HTR2C: variants seen among roughly 807,000 people sequenced by gnomAD.
The protein encoded by HTR2C is 5-hydroxytryptamine (serotonin) receptor 2C, G protein-coupled.
A neutral mutation model predicts 21.0 loss-of-function variants in HTR2C; 5 were observed. The ratio of observed to expected loss-of-function variants is 0.24; its 90% CI spans 0.12 to 0.50. The LOEUF (loss-of-function observed/expected upper bound fraction) is 0.50, where lower values mean the gene tolerates loss of function less well. HTR2C is among the 20% of genes least tolerant of loss of function. The probability of loss-of-function intolerance (pLI) is 0.98; values close to 1 mark genes in which losing one functional copy is unlikely to be tolerated. For synonymous variants in HTR2C, 150 were observed against 145.3 expected, an observed-to-expected ratio of 1.03 and a Z score of -0.23; for missense variants, 271 against 371.2, an observed-to-expected ratio of 0.73 and a Z score of 2.22.
At chrX:114,877,020 G>A (rs782119555) in intron 5 of HTR2C, among the ~76,000 whole-genome samples, 1 of 111,247 alleles carries the variant, frequency 9.0e-6, no homozygotes, top group Non-Finnish European at 1.9e-5. Context: ...AGAAGGTTTG[G>A]TGCTAGTTCT....
intron 2 of HTR2C, among the ~76,000 whole-genome samples, chrX:114,704,365 T>A (rs1486108070): frequency 9.0e-6 from 1 of 111,244 alleles, no homozygotes; most frequent in Non-Finnish European, 1.9e-5. Flanking sequence ...TCCACCATGA[T>A]CAAGTGGGCT....
intron 4 of HTR2C, among the ~76,000 whole-genome samples, chrX:114,837,684 G>A (rs978352775): frequency 5.6e-5 from 4 of 71,075 alleles, no homozygotes; most frequent in East Asian, 5.8e-4. Flanking sequence ...TCTCAGATTC[G>A]CTAGTCCTAC....
intron 5 of HTR2C, among the ~76,000 whole-genome samples, chrX:114,852,605 G>A (rs1254814424): frequency 9.0e-6 from 1 of 110,871 alleles, no homozygotes; most frequent in African/African-American, 3.3e-5. Context: ...CATGTAAATG[G>A]CCTAAATACT....
intron 4 of HTR2C, among the ~76,000 whole-genome samples, chrX:114,796,566 C>A (rs1432610584): frequency 9.0e-6 from 1 of 111,605 alleles, no homozygotes; most frequent in African/African-American, 3.3e-5. Context: ...TCTAAAACAT[C>A]TATAAACTGC....
chrX:114,597,673 T>C, intron 1 of HTR2C, among the ~76,000 whole-genome samples: 1 of 111,712 alleles, frequency 9.0e-6, no homozygotes, highest in Non-Finnish European at 1.9e-5. Flanking sequence ...TGAATATGTT[T>C]AAAACAGTGG....
chrX:114,820,533 C>T lies in HTR2C; in HGVS notation c.350-27470C>T, dbSNP rs1307289471. Among the ~76,000 whole-genome samples the T allele has an allele frequency of 3.6e-5, 4 of 110,390 alleles. No homozygotes were observed. In the East Asian group the frequency reaches 1.1e-3, roughly 32 times the overall value. On this transcript the variant is annotated intron_variant, in intron 4 of 5. Transcript: ENST00000276198. ...GTGTTTAGCTATTGATATGGTTTGG[C>T]TGTGTCCCCACCCAAATCTCAACTT...
At position 114,607,955 on chromosome X, in the gene HTR2C, C is replaced by T. The variant is rs888602357; in HGVS notation, c.-146-5860C>T. Among the ~76,000 whole-genome samples, 4 of 111,204 alleles carry T rather than the reference C, an allele frequency of 3.6e-5. No homozygotes were observed. The East Asian group carries it at 1.1e-3, about 32-fold the overall frequency. On this transcript the variant is annotated intron_variant, in intron 1 of 5. Coordinates refer to ENST00000276198, the MANE Select transcript of HTR2C (RefSeq NM_000868.4). The stretch of plus-strand genomic sequence containing the variant: ...TGAGCCAAGATGATACCACTGCACT[C>T]CAACCTGGGCAACAGAAAGAAACTC...
At chrX:114,777,384 A>G (rs2070069408) in intron 4 of HTR2C, among the ~76,000 whole-genome samples, 1 of 112,064 alleles carries the variant, frequency 8.9e-6, no homozygotes, top group Non-Finnish European at 1.9e-5. Context: ...ATTATGGAAT[A>G]CAGAGATGTG....
intron 5 of HTR2C, among the ~76,000 whole-genome samples, chrX:114,886,991 G>T (rs782272963): frequency 4.5e-5 from 5 of 111,717 alleles, no homozygotes; most frequent in Admixed American, 3.8e-4. Flanking sequence ...CTCTCTAAAA[G>T]AAAAGATGTT....
intron 4 of HTR2C, among the ~76,000 whole-genome samples, chrX:114,841,665 C>T (rs1235479335): frequency 1.8e-5 from 2 of 110,372 alleles, no homozygotes; most frequent in African/African-American, 6.6e-5. Flanking sequence ...GGCTTGAACC[C>T]GGAAGGCAGA....
rs868927472 is a variant in HTR2C, at chrX:114,641,031, C to T, written c.-80+27150C>T. On this transcript the variant is annotated intron_variant, in intron 2 of 5. Coordinates refer to ENST00000276198, the MANE Select transcript of HTR2C (RefSeq NM_000868.4). ...TTTCCTTCTCCTTTCTTTCTTTCTT[C>T]CTTTCTTTCTTTCTTTCTTTCTTTT... is the stretch of plus-strand genomic sequence containing the variant. Among the ~76,000 whole-genome samples the T allele has an allele frequency of 1.1e-4, 9 of 84,076 alleles. No individual in the cohort carries two copies. The East Asian group carries it at 1.1e-3, about 11-fold the overall frequency. 73.0% of individuals were successfully genotyped at this position (84,076 alleles called of 115,157 possible).
intron 4 of HTR2C, among the ~76,000 whole-genome samples, chrX:114,778,761 C>A (rs1256118038): frequency 9.0e-6 from 1 of 111,191 alleles, no homozygotes; most frequent in African/African-American, 3.3e-5. Flanking sequence ...ACAGAGCTAT[C>A]TAGATAAAGC....
chrX:114,835,559 G>A (rs1385553979), intron 4 of HTR2C, among the ~76,000 whole-genome samples: 16 of 110,719 alleles, frequency 1.4e-4, no homozygotes, highest in African/African-American at 4.3e-4. Flanking sequence ...AGTTCCATCA[G>A]CTCCTTTAAG....
intron 2 of HTR2C, among the ~76,000 whole-genome samples, chrX:114,688,601 T>G (rs1468251725): frequency 8.9e-6 from 1 of 111,853 alleles, no homozygotes; most frequent in Non-Finnish European, 1.9e-5. Flanking sequence ...TCTTAATGGT[T>G]GATAAGGTGA....
intron 4 of HTR2C, among the ~76,000 whole-genome samples, chrX:114,831,715 T>A (rs1327360600): frequency 1.9e-5 from 2 of 107,728 alleles, no homozygotes; most frequent in Non-Finnish European, 3.8e-5. Flanking sequence ...AGATCCCATT[T>A]GTCAATTTTG....
intron 4 of HTR2C, chrX:114,775,655 T>C: frequency 1.9e-6 from 1 of 527,698 alleles, no homozygotes; most frequent in Middle Eastern, 6.1e-4. Flanking sequence ...GATGGCTGCC[T>C]GGACAGCTGC....
chrX:114,659,922 A>G (rs1930924141), intron 2 of HTR2C, among the ~76,000 whole-genome samples: 1 of 111,411 alleles, frequency 9.0e-6, no homozygotes, highest in Admixed American at 9.6e-5. Flanking sequence ...TTTTTCTCTA[A>G]GTCCAAAATT....
intron 5 of HTR2C, among the ~76,000 whole-genome samples, chrX:114,862,518 A>G (rs2071014068): frequency 9.0e-6 from 1 of 111,237 alleles, no homozygotes; most frequent in African/African-American, 3.2e-5. Context: ...CTGATAAGGA[A>G]GGCATCGGGA....
At chrX:114,897,730 G>A (rs782685514) in intron 5 of HTR2C, among the ~76,000 whole-genome samples, 1 of 112,294 alleles carries the variant, frequency 8.9e-6, no homozygotes, top group East Asian at 2.8e-4. Context: ...TGCAAAGGAC[G>A]TAATCTCATT....
Sources: allele counts gnomAD v4.1 joint callset (sites outside exome capture counted in the v4.1 genomes callset), GRCh38; gene constraint gnomAD v4.1.1; transcripts MANE v1.5; gene names NCBI Gene and HGNC (gene_info 2026-07-23, HGNC 2026-07-21).